COL10A1: variants seen among roughly 807,000 people sequenced by gnomAD.
COL10A1 encodes the protein collagen type X alpha 1 chain.
In COL10A1, 10 loss-of-function variants were observed where a neutral mutation model predicts 18.2. That is an observed-to-expected ratio of 0.55 (90% CI 0.34 to 0.93). The LOEUF is 0.93. Among genes scored for constraint, COL10A1 ranks in the 40% least tolerant of loss-of-function variants. The probability of loss-of-function intolerance (pLI) is 0.02; values close to 1 mark genes in which losing one functional copy is unlikely to be tolerated. For missense variants in COL10A1, 897 were observed against 853.5 expected, an observed-to-expected ratio of 1.05 and a Z score of -0.64; for synonymous variants, 330 against 316.6, an observed-to-expected ratio of 1.04 and a Z score of -0.45.
chr6:116,177,359 C>G, the COL10A1 span, among the ~76,000 whole-genome samples: 5 of 152,084 alleles, frequency 3.3e-5, no homozygotes, highest in Non-Finnish European at 7.4e-5. Flanking sequence ...AAGACAGGCA[C>G]CACTATAAAA....
At chr6:116,209,879 G>A in the COL10A1 span, among the ~76,000 whole-genome samples, 4 of 151,854 alleles carry the variant, frequency 2.6e-5, no homozygotes, top group African/African-American at 7.3e-5. Flanking sequence ...GCTTCTGAAC[G>A]CAAGTTATTT....
At chr6:116,163,139 A>AT (rs1329810394), upstream of COL10A1, among the ~76,000 whole-genome samples, 388 of 100,336 alleles carry the variant, frequency 3.9e-3, 2 homozygotes, top group East Asian at 7.0e-3. Context: ...AAAAAAAAAA[A>AT]AAATATATAT....
chr6:116,184,880 T>C, the COL10A1 span, among the ~76,000 whole-genome samples: 1 of 152,076 alleles, frequency 6.6e-6, no homozygotes, highest in Non-Finnish European at 1.5e-5. Context: ...AATTTTTAGC[T>C]TTGCTCTGAT....
chr6:116,161,078 A>C (rs1429465610), upstream of COL10A1, among the ~76,000 whole-genome samples: 1 of 151,570 alleles, frequency 6.6e-6, no homozygotes, highest in African/African-American at 2.4e-5. Context: ...ATTCTCAGTA[A>C]ACTATCGTAA....
chr6:116,139,771 G>A (rs1170728151), intron 1 of COL10A1, among the ~76,000 whole-genome samples: 2 of 152,078 alleles, frequency 1.3e-5, no homozygotes, highest in Admixed American at 1.3e-4. Context: ...TGCTTAAAAG[G>A]CATTATAAAT....
chr6:116,120,329 A>G lies in COL10A1; in HGVS notation c.1787T>C (p.Ile596Thr). The G allele has an allele frequency of 1.9e-6, 3 of 1,614,224 alleles. No homozygotes were observed. The highest frequency in any genetic ancestry group is 1.7e-6 in the Non-Finnish European group (2 of 1,180,046). Residue 596 changes from isoleucine to threonine, a missense_variant, in exon 3 of 3, where the codon ATA (isoleucine) becomes ACA (threonine). Coordinates refer to ENST00000651968, the MANE Select transcript of COL10A1 (RefSeq NM_000493.4). ...ATGCACGTGGTATGAAAAATAGTAT[A>G]TTCCTGGTATCTGACAAGTAAAGAT... ...TGIFTCQIPG[I>T]YYFSYHVHVK...
chr6:116,196,821 T>C, the COL10A1 span, among the ~76,000 whole-genome samples: 1 of 151,844 alleles, frequency 6.6e-6, no homozygotes, highest in Non-Finnish European at 1.5e-5. Flanking sequence ...TTTTTAACAC[T>C]CACATAGTGC....
the COL10A1 span, among the ~76,000 whole-genome samples, chr6:116,208,132 C>T: frequency 6.6e-6 from 1 of 151,936 alleles, no homozygotes; most frequent in Admixed American, 6.6e-5. Flanking sequence ...CTTATGATTT[C>T]TATGTTCCTG....
At chr6:116,206,718 TC>T in the COL10A1 span, among the ~76,000 whole-genome samples, 1 of 151,994 alleles carries the variant, frequency 6.6e-6, no homozygotes, top group African/African-American at 2.4e-5. Flanking sequence ...TAGATAAAGT[TC>T]CTTTTGATGT....
chr6:116,188,526 C>A, the COL10A1 span, among the ~76,000 whole-genome samples: 18 of 151,778 alleles, frequency 1.2e-4, no homozygotes, highest in East Asian at 3.3e-3. Flanking sequence ...GAGAAAAAGC[C>A]AGTAATACAG....
At chr6:116,133,466 A>G (rs1779517068) in intron 1 of COL10A1, among the ~76,000 whole-genome samples, 1 of 152,210 alleles carries the variant, frequency 6.6e-6, no homozygotes, top group Non-Finnish European at 1.5e-5. Context: ...ATAGTGTACA[A>G]AGTAAAGTAC....
chr6:116,129,635 T>C (rs1779415032), upstream of COL10A1, among the ~76,000 whole-genome samples: 1 of 152,202 alleles, frequency 6.6e-6, no homozygotes, highest in African/African-American at 2.4e-5. Context: ...TGCCATCCTC[T>C]TGGACTTCCT....
At chr6:116,184,448 A>G in the COL10A1 span, among the ~76,000 whole-genome samples, 1 of 151,744 alleles carries the variant, frequency 6.6e-6, no homozygotes, top group Admixed American at 6.6e-5. Flanking sequence ...CTTTTGAAAT[A>G]GTGTCAATTG....
At chr6:116,190,570 G>C in the COL10A1 span, among the ~76,000 whole-genome samples, 48 of 151,946 alleles carry the variant, frequency 3.2e-4, 1 homozygote, top group Non-Finnish European at 1.9e-4. Context: ...AAATTAAATT[G>C]AGAGGGAAAA....
the COL10A1 span, among the ~76,000 whole-genome samples, chr6:116,165,098 G>GAAAAAAAAA: frequency 1.9e-3 from 190 of 100,994 alleles, 5 homozygotes; most frequent in East Asian, 0.029. Context: ...CTCCGTCTCA[G>GAAAAAAAAA]AAAAAAAAAA....
chr6:116,202,347 C>T, the COL10A1 span, among the ~76,000 whole-genome samples: 1 of 151,900 alleles, frequency 6.6e-6, no homozygotes, highest in African/African-American at 2.4e-5. Context: ...AATTTTGGCC[C>T]ACTTAAATCT....
rs1433644049 is a variant in COL10A1, at chr6:116,120,720, T to C, written c.1396A>G (p.Lys466Glu). The C allele has an allele frequency of 1.5e-5, 23 of 1,582,720 alleles. No individual in the cohort carries two copies. Among genetic ancestry groups the C allele is most frequent in the Non-Finnish European group, 2.0e-5 (23 of 1,167,612 alleles). ...PPGIPGFPGS[K>E]GDPGSPGPPG... ...GGACCGGGACTTCCTGGATCCCCTT[T>C]AGACCCAGGGAATCCTGGAATGCCT... is the stretch of plus-strand genomic sequence containing the variant. The change falls in exon 3 of 3, where the codon AAA (lysine) becomes GAA (glutamate). Residue 466 changes from lysine to glutamate, a missense_variant. Coordinates refer to ENST00000651968, the MANE Select transcript of COL10A1 (RefSeq NM_000493.4).
chr6:116,134,018 A>G (rs187900372), intron 1 of COL10A1, among the ~76,000 whole-genome samples: 3 of 152,340 alleles, frequency 2.0e-5, no homozygotes, highest in East Asian at 1.9e-4. Flanking sequence ...TATGATGCTA[A>G]TCAGGCGGAA....
At chr6:116,142,295 A>G (rs943122736) in intron 1 of COL10A1, among the ~76,000 whole-genome samples, 15 of 151,354 alleles carry the variant, frequency 9.9e-5, no homozygotes, top group African/African-American at 3.6e-4. Context: ...TTTTTTTTTC[A>G]ATTTATTTGG....
Sources: gnomAD v4.1 joint callset for allele counts (sites outside exome capture counted in the v4.1 genomes callset) on GRCh38, gnomAD v4.1.1 for gene constraint, MANE v1.5 for transcripts, NCBI Gene and HGNC (gene_info 2026-07-23, HGNC 2026-07-21) for gene names.